Variants in ZNF362 observed in about 807,000 individuals in gnomAD.
ZNF362 encodes rotund homolog.
Under a neutral mutation model 42.9 loss-of-function variants are expected in ZNF362, and 11 were observed. That is an observed-to-expected ratio of 0.26 (90% CI 0.16 to 0.42). The LOEUF (loss-of-function observed/expected upper bound fraction) is 0.42, where lower values mean the gene tolerates loss of function less well. Among genes scored for constraint, ZNF362 ranks in the 20% least tolerant of loss-of-function variants. The pLI, the probability that ZNF362 is intolerant of heterozygous loss-of-function variation, is 1.00. For missense variants in ZNF362, 362 were observed against 576.2 expected (o/e 0.63, Z 3.81); for synonymous variants, 255 against 257.3 (o/e 0.99, Z 0.09).
the ZNF362 span, chr1:33,196,031 T>C: frequency 6.6e-6 from 1 of 152,196 alleles, no homozygotes; most frequent in Non-Finnish European, 1.5e-5. Flanking sequence ...ATAAGCCTTT[T>C]TGTATTTTTT....
chr1:33,130,176 A>T, the ZNF362 span, among the ~76,000 whole-genome samples: 6 of 152,152 alleles, frequency 3.9e-5, no homozygotes, highest in Non-Finnish European at 5.9e-5. Flanking sequence ...TGCACTTTAG[A>T]TGGTGCACTA....
the ZNF362 span, among the ~76,000 whole-genome samples, chr1:33,159,501 C>G: frequency 1.3e-5 from 2 of 152,320 alleles, no homozygotes; most frequent in South Asian, 4.1e-4. The surrounding 1 kb of genome is among the most constrained non-coding windows in gnomAD (Gnocchi z 4.2). Context: ...TCCTCTAGTT[C>G]AAGCCTCACT....
chr1:33,295,432 G>A (rs1400490660), intron 8 of ZNF362, 127 bp downstream of exon 8: 3 of 1,215,046 alleles, frequency 2.5e-6, no homozygotes, highest in Non-Finnish European at 2.3e-6. Flanking sequence ...GCCTAGAGAA[G>A]GGAAGTGACA....
chr1:33,275,004 T>C (rs1000766215), intron 2 of ZNF362: 2 of 985,178 alleles, frequency 2.0e-6, no homozygotes, highest in South Asian at 9.4e-5. Context: ...CCAATAGGGG[T>C]TTCTCAAGCT....
the ZNF362 span, among the ~76,000 whole-genome samples, chr1:33,214,615 C>A: frequency 7.2e-5 from 11 of 152,048 alleles, no homozygotes; most frequent in Non-Finnish European, 1.5e-4. Flanking sequence ...GATTAACAAC[C>A]AGAATATATA....
chr1:33,290,512 C>T lies in ZNF362; in HGVS notation c.909-4425C>T, dbSNP rs552451866. Among the ~76,000 whole-genome samples, 1,013 of 152,070 alleles carry T rather than the reference C, an allele frequency of 6.7e-3. 5 individuals carry two copies. Among genetic ancestry groups the T allele is most frequent in the Non-Finnish European group, 9.4e-3 (640 of 67,986 alleles). On this transcript the variant is annotated intron_variant, in intron 6 of 8. Transcript: ENST00000539719. The stretch of plus-strand genomic sequence containing the variant: ...AAGTCTTTGCTATTGTGAATAGTGC[C>T]GCAATAAACATACGTGTGCATGTGT...
At chr1:33,145,785 C>T in the ZNF362 span, 315 of 457,916 alleles carry the variant, frequency 6.9e-4, 1 homozygote, top group Admixed American at 1.8e-3. Context: ...TCCACCCTCT[C>T]CCGAGTTCTT....
At position 33,282,784 on chromosome 1, in the gene ZNF362, T is replaced by C. The variant is rs530469608; in HGVS notation, c.908+973T>C. Among the ~76,000 whole-genome samples, 34 of 150,128 alleles carry C rather than the reference T, an allele frequency of 2.3e-4. No individual in the cohort carries two copies. The Middle Eastern group carries it at 0.01, about 45-fold the overall frequency. On this transcript the variant is annotated intron_variant, in intron 6 of 8. Transcript: ENST00000539719. ...CTGCAGTGAGCCGAGATTGCGCCATTGCACTCCAGCCTGGATGACAAGAGT... is the reference window on the plus strand; with the variant it reads ...CTGCAGTGAGCCGAGATTGCGCCATCGCACTCCAGCCTGGATGACAAGAGT...
chr1:33,211,084 C>A, the ZNF362 span, among the ~76,000 whole-genome samples: 1 of 152,080 alleles, frequency 6.6e-6, no homozygotes, highest in Non-Finnish European at 1.5e-5. Context: ...CAGGTGCCCA[C>A]CACCACGCCT....
chr1:33,220,622 A>G, the ZNF362 span, among the ~76,000 whole-genome samples: 1 of 152,132 alleles, frequency 6.6e-6, no homozygotes, highest in African/African-American at 2.4e-5. Context: ...GGCAGGCCTC[A>G]GGAGTCTGTC....
At chr1:33,267,766 A>AT (rs1404914440) in intron 1 of ZNF362, among the ~76,000 whole-genome samples, 1 of 152,210 alleles carries the variant, frequency 6.6e-6, no homozygotes, top group Non-Finnish European at 1.5e-5. Flanking sequence ...AACCTGTTTA[A>AT]AATTTCGGCT....
Position 33,280,407 on chromosome 1 carries a change from C to G in ZNF362, c.633C>G (p.Pro211=), listed in dbSNP as rs1320822301. ...NPGGPPVLVV[P]YPILASGETA... is the part of the protein sequence containing the mutation. ...GGGGTCCGCCTGTCCTTGTAGTCCC[C>G]TATCCCATCCTGGCCTCGGGCGAGA... is the stretch of plus-strand genomic sequence containing the variant. Residue 211 remains proline (P), a synonymous_variant, in exon 5 of 9, where the codon CCC becomes CCG. Transcript: ENST00000539719. This position sits in a 1 kb window ranked among gnomAD's most constrained non-coding sequence, Gnocchi z 5.6. 1.2e-6 allele frequency: 2 copies of G among 1,612,528 alleles called. No individual in the cohort carries two copies. The highest frequency in any genetic ancestry group is 3.3e-5 in the Admixed American group (2 of 59,908).
At chr1:33,295,482 T>G (rs563834923) in intron 8 of ZNF362, among the ~76,000 whole-genome samples, 177 bp downstream of exon 8, 5 of 152,342 alleles carry the variant, frequency 3.3e-5, no homozygotes, top group African/African-American at 1.2e-4. Flanking sequence ...GAGCTTTTGC[T>G]TCCCACTTCT....
the ZNF362 span, among the ~76,000 whole-genome samples, chr1:33,170,601 G>A: frequency 1.2e-4 from 19 of 152,186 alleles, no homozygotes; most frequent in African/African-American, 4.6e-4. Context: ...AAGGCCCCCA[G>A]CAGGCAGAGT....
the ZNF362 span, among the ~76,000 whole-genome samples, chr1:33,131,215 T>C: frequency 2.6e-5 from 4 of 152,264 alleles, no homozygotes; most frequent in Admixed American, 2.0e-4. Flanking sequence ...GTGTATGGTA[T>C]ACCATTCTCC....
At chr1:33,163,672 A>G in the ZNF362 span, 1 of 152,394 alleles carries the variant, frequency 6.6e-6, no homozygotes, top group Non-Finnish European at 1.5e-5. Context: ...CACCCTGCCA[A>G]GAATGCATCA....
the ZNF362 span, among the ~76,000 whole-genome samples, chr1:33,158,845 T>C: frequency 1.3e-5 from 2 of 151,070 alleles, no homozygotes; most frequent in East Asian, 3.8e-4. Context: ...TTCTTTTTTT[T>C]CTTTTTTTTT....
intron 6 of ZNF362, among the ~76,000 whole-genome samples, chr1:33,282,643 G>A (rs761832840): frequency 2.0e-5 from 3 of 152,036 alleles, no homozygotes; most frequent in Non-Finnish European, 4.4e-5. Flanking sequence ...CCAACGTGGC[G>A]AAACCCCATC....
At chr1:33,250,893 A>AAGAAGAAGAAGAAGAAGAAGG in the ZNF362 span, among the ~76,000 whole-genome samples, 6 of 150,124 alleles carry the variant, frequency 4.0e-5, no homozygotes, top group South Asian at 2.1e-4. Context: ...GAAGAAGAAG[A>AAGAAGAAGAAGAAGAAGAAGG]AGGAGAAGAA....
Sources: gnomAD v4.1 joint callset for allele counts (sites outside exome capture counted in the v4.1 genomes callset) on GRCh38, gnomAD v4.1.1 for gene constraint, Gnocchi (gnomAD v3.1) non-coding constraint, MANE v1.5 for transcripts, NCBI Gene and HGNC (gene_info 2026-07-23, HGNC 2026-07-21) for gene names.